Variants in PHTF2 observed in about 807,000 individuals in gnomAD.
PHTF2 encodes the protein protein PHTF2.
In PHTF2, 60 loss-of-function variants were observed where a neutral mutation model predicts 101.2. The observed-to-expected ratio is 0.59, with a 90% confidence interval of 0.48 to 0.73. The LOEUF is 0.73. Ranked by LOEUF, PHTF2 falls within the 30% of genes least tolerant of loss-of-function variation. The probability of loss-of-function intolerance (pLI) is 0.00; values close to 1 mark genes in which losing one functional copy is unlikely to be tolerated. For synonymous variants in PHTF2, 311 were observed against 307.3 expected (o/e 1.01, Z -0.13); for missense variants, 747 against 908.7 (o/e 0.82, Z 2.29).
At chr7:77,953,948 C>A (rs904009737) in intron 19 of PHTF2, 54 bp downstream of exon 18, 99 of 1,559,996 alleles carry the variant, frequency 6.3e-5, no homozygotes, top group Non-Finnish European at 8.3e-5. Context: ...ATTTTTGTTG[C>A]GCCCATTTTA....
rs945419770 is a variant in PHTF2 at position 77,895,234 on chromosome 7, CATT to C, written c.216+1244_216+1246del. 281 of 438,234 alleles carry C rather than the reference CATT, an allele frequency of 6.4e-4. 1 individual carries two copies. The highest frequency in any genetic ancestry group is 1.1e-3 in the Non-Finnish European group (241 of 219,630). The allele number at this position is 438,234 out of a possible 1,614,324, so 27.1% of individuals were successfully genotyped here. ...GTGATACATACATACATATATAAAACATTATATAGATATAGCTATAGGAATGAG... is the reference window on the plus strand; with the variant it reads ...GTGATACATACATACATATATAAAACATATAGATATAGCTATAGGAATGAG... On this transcript the variant is annotated intron_variant, in intron 5 of 19. Transcript: ENST00000416283.
chr7:77,827,463 T>G (rs937003372), intron 1 of PHTF2, among the ~76,000 whole-genome samples: 2 of 152,148 alleles, frequency 1.3e-5, no homozygotes, highest in Non-Finnish European at 2.9e-5. Context: ...CAGGCAGTTA[T>G]TTGCTTCATC....
intron 5 of PHTF2, among the ~76,000 whole-genome samples, chr7:77,897,788 C>G (rs1303373362): frequency 6.6e-6 from 1 of 152,128 alleles, no homozygotes; most frequent in Non-Finnish European, 1.5e-5. Flanking sequence ...TCAAGCGATT[C>G]TCCTGCCTCA....
At chr7:77,834,820 G>C (rs1795327134) in intron 1 of PHTF2, among the ~76,000 whole-genome samples, 1 of 152,164 alleles carries the variant, frequency 6.6e-6, no homozygotes, top group Non-Finnish European at 1.5e-5. Context: ...TGAGTACTTA[G>C]AGACAAAGAA....
At chr7:77,809,727 A>G (rs1025914276) in intron 1 of PHTF2, among the ~76,000 whole-genome samples, 1 of 152,230 alleles carries the variant, frequency 6.6e-6, no homozygotes, top group African/African-American at 2.4e-5. Flanking sequence ...TTGAATGGTA[A>G]TTTAACTTAA....
At chr7:77,873,330 G>A (rs1223362779) in intron 3 of PHTF2, among the ~76,000 whole-genome samples, 3 of 152,038 alleles carry the variant, frequency 2.0e-5, no homozygotes, top group East Asian at 1.9e-4. Flanking sequence ...TGTTCCTTCC[G>A]CCGTTATCCC....
At chr7:77,954,737 A>C (rs1174800705) in intron 19 of PHTF2, 121 bp from the exon 19 acceptor site, 1 of 568,526 alleles carries the variant, frequency 1.8e-6, no homozygotes, top group East Asian at 3.4e-5. Context: ...AAAGGAGTTA[A>C]AATATTAGAA....
At chr7:77,870,777 C>T (rs1584543765) in intron 3 of PHTF2, among the ~76,000 whole-genome samples, 1 of 152,086 alleles carries the variant, frequency 6.6e-6, no homozygotes, top group Admixed American at 6.5e-5. Context: ...CAAATAAAGA[C>T]AATAATAAGC....
intron 1 of PHTF2, among the ~76,000 whole-genome samples, chr7:77,839,773 T>C (rs1261471263): frequency 2.6e-5 from 4 of 152,180 alleles, no homozygotes; most frequent in African/African-American, 7.2e-5. Flanking sequence ...GTTTACTGAG[T>C]GTCAGGGAAA....
At chr7:77,848,986 A>C (rs771858254) in intron 2 of PHTF2, among the ~76,000 whole-genome samples, 5 of 152,188 alleles carry the variant, frequency 3.3e-5, no homozygotes, top group Admixed American at 2.6e-4. Flanking sequence ...GTTGAAGAGA[A>C]CATCCATCGT....
chr7:77,896,184 T>C (rs1158399570), intron 5 of PHTF2, among the ~76,000 whole-genome samples: 1 of 152,222 alleles, frequency 6.6e-6, no homozygotes, highest in Non-Finnish European at 1.5e-5. Flanking sequence ...ATGGGGTACA[T>C]GTGCAATTTT....
chr7:77,916,065 A>G (rs187392978), intron 9 of PHTF2, among the ~76,000 whole-genome samples: 48 of 151,706 alleles, frequency 3.2e-4, no homozygotes, highest in Non-Finnish European at 6.3e-4. Flanking sequence ...TCCTAATATC[A>G]GCTTCTTTCT....
At chr7:77,891,337 C>G (rs1800384901) in intron 3 of PHTF2, among the ~76,000 whole-genome samples, 1 of 152,114 alleles carries the variant, frequency 6.6e-6, no homozygotes, top group African/African-American at 2.4e-5. Flanking sequence ...CTTACCTTTT[C>G]TGATTTTAAG....
intron 4 of PHTF2, 32 bp from the exon 4 acceptor site, chr7:77,893,950 C>G: frequency 6.4e-7 from 1 of 1,562,580 alleles, no homozygotes; most frequent in South Asian, 1.1e-5. Flanking sequence ...TTTGCTTTTT[C>G]TCCCTTTTGA....
At position 77,856,052 on chromosome 7, in the gene PHTF2, A is replaced by G. The variant is rs142605259; in HGVS notation, c.147+1218A>G. On this transcript the variant is annotated intron_variant, in intron 3 of 19. Coordinates refer to ENST00000416283, the Ensembl canonical transcript of PHTF2. The stretch of plus-strand genomic sequence containing the variant: ...GATTGCTAGAGGTTTGTATTTGACC[A>G]TCTTGCTCCAATAACCTAAATATGA... Among the ~76,000 whole-genome samples the G allele has an allele frequency of 2.0e-3, 305 of 152,288 alleles. 1 individual carries two copies. The highest frequency in any genetic ancestry group is 6.5e-3 in the African/African-American group (270 of 41,574).
intron 15 of PHTF2, among the ~76,000 whole-genome samples, chr7:77,941,577 C>T (rs1398600561): frequency 1.3e-5 from 2 of 152,188 alleles, no homozygotes; most frequent in African/African-American, 4.8e-5. Context: ...GCTTATACTT[C>T]AGTGAGGGAA....
chr7:77,799,228 C>T (rs1179490990), intron 1 of PHTF2, among the ~76,000 whole-genome samples: 2 of 152,150 alleles, frequency 1.3e-5, no homozygotes, highest in East Asian at 1.9e-4. Flanking sequence ...CCCGAGCTCG[C>T]GCGGTCCTCA....
intron 11 of PHTF2, among the ~76,000 whole-genome samples, chr7:77,927,632 G>A (rs115315196): frequency 0.021 from 3,156 of 152,260 alleles, 91 homozygotes; most frequent in African/African-American, 0.071. Flanking sequence ...GGAACAAAGT[G>A]ATCACTCTAG....
At chr7:77,835,797 C>T (rs1795412747) in intron 1 of PHTF2, among the ~76,000 whole-genome samples, 1 of 151,770 alleles carries the variant, frequency 6.6e-6, no homozygotes, top group Non-Finnish European at 1.5e-5. Flanking sequence ...ATAAAGTAAG[C>T]TAGAGAAAAA....
Sources: gnomAD v4.1 joint callset for allele counts (sites outside exome capture counted in the v4.1 genomes callset) on GRCh38, gnomAD v4.1.1 for gene constraint, MANE v1.5 for transcripts, NCBI Gene and HGNC (gene_info 2026-07-23, HGNC 2026-07-21) for gene names.